The following PCSK6 variants were observed in gnomAD, a reference collection of about 807,000 sequenced individuals.
PCSK6 encodes proprotein convertase subtilisin/kexin type 6.
PCSK6 carries 85 observed loss-of-function variants against 123.3 expected under a neutral mutation model. The observed-to-expected ratio is 0.69, with a 90% CI of 0.58 to 0.83. PCSK6 has a LOEUF of 0.83. Among genes scored for constraint, PCSK6 ranks in the 40% least tolerant of loss-of-function variants. PCSK6 has a pLI of 0.00. For missense variants in PCSK6, 1,191 were observed against 1,282.3 expected (o/e 0.93, Z 1.09); for synonymous variants, 508 against 516.0 (o/e 0.98, Z 0.21).
intron 20 of PCSK6, 39 bp downstream of exon 20, chr15:101,313,337 G>C (rs1173551340): frequency 1.2e-6 from 2 of 1,612,534 alleles, no homozygotes; most frequent in African/African-American, 2.7e-5. Context: ...TCCTTTGCTG[G>C]ACACAGCTGC....
At chr15:101,465,122 G>A (rs2057426859) in intron 1 of PCSK6, among the ~76,000 whole-genome samples, 2 of 152,202 alleles carry the variant, frequency 1.3e-5, no homozygotes, top group South Asian at 4.1e-4. Context: ...CCAGACCAAT[G>A]ACGGGGAGGC....
At chr15:101,372,275 C>T (rs1216533019) in intron 11 of PCSK6, among the ~76,000 whole-genome samples, 1 of 152,200 alleles carries the variant, frequency 6.6e-6, no homozygotes, top group Non-Finnish European at 1.5e-5. Flanking sequence ...GCGCTTTTCC[C>T]ATTATGCCTG....
intron 1 of PCSK6, among the ~76,000 whole-genome samples, chr15:101,476,005 T>A (rs1455910826): frequency 1.3e-5 from 2 of 152,180 alleles, no homozygotes; most frequent in Non-Finnish European, 2.9e-5. Flanking sequence ...CTTGCACACA[T>A]ACATTGACTC....
intron 1 of PCSK6, among the ~76,000 whole-genome samples, chr15:101,455,722 G>T (rs894825032): frequency 6.6e-6 from 1 of 152,152 alleles, no homozygotes; most frequent in Non-Finnish European, 1.5e-5. Flanking sequence ...TTAAAACCAG[G>T]CACAGAGAAA....
intron 6 of PCSK6, among the ~76,000 whole-genome samples, chr15:101,416,020 C>T (rs1349809346): frequency 2.6e-5 from 4 of 152,152 alleles, no homozygotes; most frequent in African/African-American, 7.2e-5. Flanking sequence ...TGAAAAGATA[C>T]CCCAAAATGT....
At chr15:101,390,760 C>T (rs933564470) in intron 8 of PCSK6, among the ~76,000 whole-genome samples, 7 of 152,226 alleles carry the variant, frequency 4.6e-5, no homozygotes, top group African/African-American at 1.7e-4. Context: ...GCCCTGCCAG[C>T]ACCTTGGTCT....
intron 1 of PCSK6, among the ~76,000 whole-genome samples, chr15:101,447,417 T>C (rs924460488): frequency 1.3e-5 from 2 of 152,104 alleles, no homozygotes; most frequent in African/African-American, 4.8e-5. Flanking sequence ...CAGATGAGTA[T>C]ACTGAGGCCC....
chr15:101,486,880 C>T (rs1204029570), intron 1 of PCSK6, among the ~76,000 whole-genome samples: 1 of 152,142 alleles, frequency 6.6e-6, no homozygotes, highest in African/African-American at 2.4e-5. Flanking sequence ...CAAAGGAGAC[C>T]TCAGAACAGA....
chr15:101,411,618 A>C (rs11633098), intron 6 of PCSK6, among the ~76,000 whole-genome samples: 44,473 of 151,974 alleles, frequency 0.29, 7,183 homozygotes, highest in African/African-American at 0.44. Context: ...ATGAACAAGA[A>C]CAGAGGGACC....
chr15:101,458,965 T>C (rs916029337), intron 1 of PCSK6, among the ~76,000 whole-genome samples: 1 of 152,186 alleles, frequency 6.6e-6, no homozygotes, highest in African/African-American at 2.4e-5. Flanking sequence ...TGGATTTTAC[T>C]ACTGACAGCT....
At chr15:101,314,779 C>G (rs537995436) in intron 19 of PCSK6, among the ~76,000 whole-genome samples, 1 of 152,304 alleles carries the variant, frequency 6.6e-6, no homozygotes, top group African/African-American at 2.4e-5. Context: ...TCTTGAGGAC[C>G]ACCGTCTTCA....
At chr15:101,467,897 C>A (rs2057504185) in intron 1 of PCSK6, among the ~76,000 whole-genome samples, 1 of 152,176 alleles carries the variant, frequency 6.6e-6, no homozygotes, top group Non-Finnish European at 1.5e-5. Context: ...CCGGAGGTGT[C>A]TGGCAGGTGG....
intron 1 of PCSK6, among the ~76,000 whole-genome samples, chr15:101,481,431 C>A (rs146604854): frequency 2.0e-5 from 3 of 151,528 alleles, no homozygotes; most frequent in African/African-American, 7.3e-5. Flanking sequence ...CAGGTAAAGC[C>A]GTTCTGGGCA....
At chr15:101,350,879 G>A (rs1219154268) in intron 13 of PCSK6, among the ~76,000 whole-genome samples, 1 of 152,214 alleles carries the variant, frequency 6.6e-6, no homozygotes, top group Non-Finnish European at 1.5e-5. Context: ...TGGCTTAACG[G>A]AACTGATTGT....
intron 13 of PCSK6, among the ~76,000 whole-genome samples, chr15:101,341,674 C>T (rs1444237304): frequency 1.3e-5 from 2 of 152,086 alleles, no homozygotes; most frequent in Admixed American, 6.5e-5. Context: ...TCAAAGAAAA[C>T]AAAGCTGAGC....
chr15:101,376,002 C>G (rs1214606616), intron 11 of PCSK6, among the ~76,000 whole-genome samples: 2 of 152,148 alleles, frequency 1.3e-5, no homozygotes, highest in Non-Finnish European at 2.9e-5. Context: ...CCACTGCACT[C>G]CAGCCTGGGT....
chr15:101,325,588 G>A (rs2040235059), intron 16 of PCSK6, among the ~76,000 whole-genome samples: 1 of 152,230 alleles, frequency 6.6e-6, no homozygotes, highest in Non-Finnish European at 1.5e-5. Context: ...GGGGAGCCTA[G>A]CAGTGTCCTG....
In PCSK6 at chr15:101,313,476, C is replaced by T. The variant is rs1270895303; in HGVS notation, c.2599G>A (p.Ala867Thr). The change falls in exon 20 of 22, where the codon GCG becomes ACG. Residue 867 changes from alanine to threonine, a missense_variant. Physicochemically the swap from Ala to Thr is moderately conservative, Grantham distance 58. Coordinates refer to ENST00000611716, the MANE Select transcript of PCSK6 (RefSeq NM_002570.5). ...GPGREECIHC[A>T]KNFHFHDWKC... ...CAGTCGTGGAAGTGGAAGTTTTTCG[C>T]ACAGTGAATGCACTCTTCTCTGCCT... is the stretch of plus-strand genomic sequence containing the variant. The T allele has an allele frequency of 5.0e-6, 8 of 1,609,134 alleles. No individual in the cohort carries two copies. The East Asian group carries it at 1.6e-4, about 31-fold the overall frequency.
intron 11 of PCSK6, among the ~76,000 whole-genome samples, chr15:101,381,476 T>C (rs1276037906): frequency 6.6e-6 from 1 of 152,170 alleles, no homozygotes; most frequent in African/African-American, 2.4e-5. Context: ...GCCAGGGCCC[T>C]TCTGCTCGAG....
Sources: gnomAD v4.1 joint callset for allele counts (sites outside exome capture counted in the v4.1 genomes callset) on GRCh38, gnomAD v4.1.1 for gene constraint, MANE v1.5 for transcripts, NCBI Gene and HGNC (gene_info 2026-07-23, HGNC 2026-07-21) for gene names.